The following DOCK1 variants were observed in gnomAD, a reference collection of about 807,000 sequenced individuals.
DOCK1 encodes dedicator of cytokinesis protein 1.
Under a neutral mutation model 262.7 loss-of-function variants are expected in DOCK1, and 138 were observed. The ratio of observed to expected loss-of-function variants is 0.53; its 90% confidence interval spans 0.46 to 0.61. The LOEUF is 0.61. DOCK1 is among the 20% of genes least tolerant of loss of function. The probability of loss-of-function intolerance (pLI) is 0.00; values close to 1 mark genes in which losing one functional copy is unlikely to be tolerated. For synonymous variants in DOCK1, 866 were observed against 867.4 expected (o/e 1.00, Z 0.03); for missense variants, 1,908 against 2,370.7 (o/e 0.80, Z 4.05).
Position 127,384,841 on chromosome 10 carries a change from G to A in DOCK1, c.3859G>A (p.Ala1287Thr), listed in dbSNP as rs553671666. 1.2e-6 allele frequency: 2 copies of A among 1,609,746 alleles called. No individual in the cohort carries two copies. Among genetic ancestry groups the A allele is most frequent in the Non-Finnish European group, 1.7e-6 (2 of 1,178,744 alleles). Residue 1287 changes from alanine (A) to threonine (T), a missense_variant, in exon 38 of 52, where the codon GCC (alanine) becomes ACC (threonine). Ala to Thr is a moderately conservative substitution (Grantham distance 58). Coordinates refer to ENST00000623213, the MANE Select transcript of DOCK1 (RefSeq NM_001290223.2). Reference sequence around the variant, plus strand: ...CCTCACCCAGCGGGACGGGTACCAGGCCACCACGCAGGGACAGCTGAAGGA... The same window carrying A: ...CCTCACCCAGCGGGACGGGTACCAGACCACCACGCAGGGACAGCTGAAGGA... The part of the protein sequence containing the change: ...AHLTQRDGYQ[A>T]TTQGQLKEQL...
intron 13 of DOCK1, among the ~76,000 whole-genome samples, chr10:127,021,357 G>A (rs1178900418): frequency 6.6e-6 from 1 of 152,112 alleles, no homozygotes; most frequent in Admixed American, 6.5e-5. Flanking sequence ...TAGAGACGGG[G>A]GTTCACTGTG....
At position 127,404,518 on chromosome 10, in the gene DOCK1, A is replaced by G. The variant is rs574649927; in HGVS notation, c.4122+89A>G. ...TTCTGAGGAAGGGTGGGGAGTTTGCATCCGCGTGGGATCGTGCAACTCTCT... is the reference window on the plus strand; with the variant it reads ...TTCTGAGGAAGGGTGGGGAGTTTGCGTCCGCGTGGGATCGTGCAACTCTCT... On this transcript the variant is annotated intron_variant, in intron 40 of 51. Transcript: ENST00000623213. The G allele has an allele frequency of 1.8e-5, 23 of 1,295,640 alleles. No individual in the cohort carries two copies. The South Asian group carries it at 2.2e-4, about 12-fold the overall frequency. The allele number at this position is 1,295,640 out of a possible 1,614,324, so 80.3% of individuals were successfully genotyped here. A position where few individuals can be genotyped will look rare whatever the true frequency, so the allele number is the denominator to read the frequency against.
chr10:126,920,372 G>A (rs1344716362), intron 1 of DOCK1, among the ~76,000 whole-genome samples: 1 of 152,180 alleles, frequency 6.6e-6, no homozygotes, highest in Non-Finnish European at 1.5e-5. Flanking sequence ...GCTGGCGGGA[G>A]AATAGAAGAA....
At chr10:127,157,268 C>T (rs190274386) in intron 27 of DOCK1, among the ~76,000 whole-genome samples, 5 of 152,208 alleles carry the variant, frequency 3.3e-5, no homozygotes, top group Non-Finnish European at 4.4e-5. Flanking sequence ...ACACAAAGAC[C>T]GTCACGTGTT....
chr10:127,189,747 A>G (rs1473508224), intron 27 of DOCK1, among the ~76,000 whole-genome samples: 1 of 152,228 alleles, frequency 6.6e-6, no homozygotes, highest in Admixed American at 6.5e-5. Context: ...ACGTTTGCAC[A>G]TGGCACATTA....
chr10:127,072,298 C>T (rs2046277567), intron 23 of DOCK1, among the ~76,000 whole-genome samples: 1 of 152,180 alleles, frequency 6.6e-6, no homozygotes, highest in African/African-American at 2.4e-5. Context: ...CTGTGCTAGG[C>T]ACTGAGGAGT....
Position 127,381,296 on chromosome 10 carries a change from T to A in DOCK1, c.3735T>A (p.Cys1245Ter). 1 of 1,612,280 alleles carries A rather than the reference T, an allele frequency of 6.2e-7. No homozygotes were observed. Among genetic ancestry groups the A allele is most frequent in the Non-Finnish European group, 8.5e-7 (1 of 1,178,854 alleles). ...GTCTCAGGTATTTGTACAAGCTCTG[T>A]GACCTGCACAAGGAGTGTGATAACT... ...EMYIRYLYKLCDLHKECDNYT... is the reference protein window; with the variant it reads ...EMYIRYLYKL The change falls in exon 37 of 52, where the codon TGT becomes TGA. Residue 1245 changes from cysteine to a stop codon, truncating the protein, a stop_gained. Transcript: ENST00000623213. LOFTEE classifies it high-confidence loss of function.
chr10:127,365,355 A>G (rs1415271532), intron 33 of DOCK1, among the ~76,000 whole-genome samples: 1 of 152,218 alleles, frequency 6.6e-6, no homozygotes, highest in African/African-American at 2.4e-5. Context: ...TGTTAATACG[A>G]TAAGATTTGC....
At chr10:127,385,900 C>T (rs77373278) in intron 38 of DOCK1, among the ~76,000 whole-genome samples, 1 of 152,172 alleles carries the variant, frequency 6.6e-6, no homozygotes, top group Non-Finnish European at 1.5e-5. Context: ...AGCGGTTAGA[C>T]GAGGGCCCAC....
intron 27 of DOCK1, among the ~76,000 whole-genome samples, chr10:127,161,726 G>A (rs535848900): frequency 6.6e-6 from 1 of 152,248 alleles, no homozygotes; most frequent in Admixed American, 6.5e-5. Context: ...CCTCGCCTCT[G>A]CTCCATTTCC....
chr10:127,032,793 G>A (rs2135539066), intron 18 of DOCK1, among the ~76,000 whole-genome samples: 1 of 152,286 alleles, frequency 6.6e-6, no homozygotes, highest in Non-Finnish European at 1.5e-5. Flanking sequence ...CTGGGTTCAG[G>A]CAAACCTCCC....
intron 51 of DOCK1, 50 bp from the exon 52 acceptor site, chr10:127,451,282 C>G: frequency 6.5e-7 from 1 of 1,548,720 alleles, no homozygotes; most frequent in Non-Finnish European, 8.7e-7. Flanking sequence ...GGTGTCTTTT[C>G]TGTCAGGACA....
intron 25 of DOCK1, among the ~76,000 whole-genome samples, chr10:127,123,782 G>T (rs1002977266): frequency 6.6e-6 from 1 of 152,152 alleles, no homozygotes; most frequent in Non-Finnish European, 1.5e-5. Flanking sequence ...TCTTGGCACT[G>T]TGCTCTCCCT....
chr10:127,285,086 C>T (rs1006966421), intron 29 of DOCK1, among the ~76,000 whole-genome samples: 7 of 151,088 alleles, frequency 4.6e-5, no homozygotes, highest in Non-Finnish European at 7.4e-5. Context: ...TGCAGTGAGT[C>T]GTGATCGTGC....
At chr10:127,174,811 C>G (rs529089847) in intron 27 of DOCK1, among the ~76,000 whole-genome samples, 12 of 152,208 alleles carry the variant, frequency 7.9e-5, no homozygotes, top group Non-Finnish European at 1.8e-4. Flanking sequence ...CTTCCTAATA[C>G]GATTCCTAAG....
At chr10:127,132,662 G>C (rs1381279266) in intron 27 of DOCK1, among the ~76,000 whole-genome samples, 2 of 152,130 alleles carry the variant, frequency 1.3e-5, no homozygotes, top group African/African-American at 2.4e-5. Flanking sequence ...CATTGGGTGT[G>C]TGTTTTTCCT....
intron 44 of DOCK1, among the ~76,000 whole-genome samples, chr10:127,416,803 G>A (rs554157498): frequency 2.6e-5 from 4 of 152,312 alleles, no homozygotes; most frequent in East Asian, 3.9e-4. Flanking sequence ...CTGTGTGCCC[G>A]GGATGAAATG....
At chr10:127,370,848 A>G (rs2065169156) in intron 33 of DOCK1, among the ~76,000 whole-genome samples, 1 of 151,868 alleles carries the variant, frequency 6.6e-6, no homozygotes, top group Non-Finnish European at 1.5e-5. Flanking sequence ...ACACTGAGAG[A>G]CTCTCTGTTC....
intron 27 of DOCK1, among the ~76,000 whole-genome samples, chr10:127,151,451 T>C (rs949208146): frequency 2.0e-5 from 3 of 152,140 alleles, no homozygotes; most frequent in Non-Finnish European, 4.4e-5. Flanking sequence ...TGTTTTGTCA[T>C]TGTGACCACT....
Sources: gnomAD v4.1 joint callset for allele counts (sites outside exome capture counted in the v4.1 genomes callset) on GRCh38, gnomAD v4.1.1 for gene constraint, MANE v1.5 for transcripts, NCBI Gene and HGNC (gene_info 2026-07-23, HGNC 2026-07-21) for gene names.